The following COL4A4 variants were observed in gnomAD, a reference collection of about 807,000 sequenced individuals.
The protein encoded by COL4A4 is collagen type IV alpha 4 chain, also known as collagen alpha-4(IV) chain.
Under a neutral mutation model 192.9 loss-of-function variants are expected in COL4A4, and 105 were observed. The observed-to-expected ratio is 0.54, with a 90% confidence interval of 0.46 to 0.64. The LOEUF is 0.64. COL4A4 is among the 30% of genes least tolerant of loss of function. The pLI is 0.00. For synonymous variants in COL4A4, 762 were observed against 769.9 expected, an observed-to-expected ratio of 0.99 and a Z score of 0.17; for missense variants, 1,967 against 2,169.3, an observed-to-expected ratio of 0.91 and a Z score of 1.85.
the COL4A4 span, among the ~76,000 whole-genome samples, chr2:226,968,065 C>T: frequency 1.3e-5 from 2 of 152,170 alleles, no homozygotes; most frequent in Admixed American, 1.3e-4. Context: ...TCTTGCATAA[C>T]ATAATTTAAT....
chr2:227,073,348 T>C (rs2058829946), intron 25 of COL4A4, among the ~76,000 whole-genome samples: 1 of 151,856 alleles, frequency 6.6e-6, no homozygotes, highest in Non-Finnish European at 1.5e-5. Context: ...ACCAAGGAGG[T>C]GAAAGTTCTC....
chr2:227,041,848 G>GAAAGAAAGAAAGAAAGAGAAAGAA (rs1243663359), intron 37 of COL4A4, among the ~76,000 whole-genome samples: 1 of 38,736 alleles, frequency 2.6e-5, no homozygotes. Context: ...AAGAAAGAAA[G>GAAAGAAAGAAAGAAAGAGAAAGAA]AGAAAGAAAG....
chr2:227,017,112 C>T (rs1965051967), intron 44 of COL4A4, among the ~76,000 whole-genome samples: 1 of 152,156 alleles, frequency 6.6e-6, no homozygotes, highest in African/African-American at 2.4e-5. Flanking sequence ...GAAAGGGCTG[C>T]CTTAGTGCTT....
the COL4A4 span, among the ~76,000 whole-genome samples, chr2:226,970,693 A>G: frequency 1.1e-3 from 161 of 152,324 alleles, no homozygotes; most frequent in African/African-American, 3.7e-3. Context: ...AGCCTGTGAA[A>G]TATTTTCCAA....
intron 44 of COL4A4, 83 bp downstream of exon 44, chr2:227,021,965 A>G: frequency 6.6e-7 from 1 of 1,514,794 alleles, no homozygotes; most frequent in Non-Finnish European, 9.0e-7. Context: ...GGCTCCATAT[A>G]AAAAGCTACA....
intron 4 of COL4A4, among the ~76,000 whole-genome samples, chr2:227,132,495 G>A (rs978241330): frequency 1.3e-5 from 2 of 152,208 alleles, no homozygotes; most frequent in African/African-American, 2.4e-5. Context: ...TATGATAGAG[G>A]ACGAGTGCAG....
chr2:227,143,862 T>G (rs1291232710), intron 3 of COL4A4, among the ~76,000 whole-genome samples: 2 of 152,236 alleles, frequency 1.3e-5, no homozygotes, highest in East Asian at 3.8e-4. Context: ...CCTCATTCTT[T>G]GACCCAGGTG....
At chr2:226,978,114 A>T in the COL4A4 span, among the ~76,000 whole-genome samples, 1 of 152,314 alleles carries the variant, frequency 6.6e-6, no homozygotes, top group East Asian at 1.9e-4. Context: ...AAACAGGTCT[A>T]GGCCTTTTGC....
At chr2:227,146,553 C>A (rs2063562675) in intron 2 of COL4A4, among the ~76,000 whole-genome samples, 1 of 152,158 alleles carries the variant, frequency 6.6e-6, no homozygotes, top group Non-Finnish European at 1.5e-5. Context: ...TCACACGTTA[C>A]CACACACTCA....
chr2:227,057,605 A>G lies in COL4A4; in HGVS notation c.2384-5T>C, dbSNP rs3769641. ...ATCCAGGAATGCCAGCTGGCCCTGA[A>G]ATGATACAATACATCCATGACATTC... On this transcript the variant is annotated splice_region_variant and splice_polypyrimidine_tract_variant and intron_variant, in intron 28 of 47. Transcript: ENST00000396625. 138,541 of 1,613,482 alleles carry G rather than the reference A, an allele frequency of 0.086. 6,350 individuals are homozygous for G. Among genetic ancestry groups the G allele is most frequent in the East Asian group, 0.18 (7,910 of 44,854 alleles).
Position 227,080,263 on chromosome 2 carries a change from A to G in COL4A4, c.1803+180T>C, listed in dbSNP as rs192180531. Among the ~76,000 whole-genome samples the G allele has an allele frequency of 1.4e-4, 22 of 152,334 alleles. No individual in the cohort carries two copies. The East Asian group carries it at 3.5e-3, about 24-fold the overall frequency. ...CCAAGAGGATTTTAGACCATGTCCA[A>G]TGATGCTATACCTCTTAAAACAATC... On this transcript the variant is annotated intron_variant, in intron 24 of 47. Transcript: ENST00000396625.
At chr2:227,000,233 C>T (rs1019464939), downstream of COL4A4, among the ~76,000 whole-genome samples, 17 of 152,200 alleles carry the variant, frequency 1.1e-4, no homozygotes. Context: ...CCCACAGCAC[C>T]TGGAAGCTTC....
In COL4A4 at chr2:227,120,940, A is replaced by C. The variant is rs942439726; in HGVS notation, c.327+74T>G. 72 of 1,602,646 alleles carry C rather than the reference A, an allele frequency of 4.5e-5. No individual in the cohort carries two copies. In the African/African-American group the frequency reaches 8.4e-4, roughly 19 times the overall value. On this transcript the variant is annotated intron_variant, in intron 5 of 47. Coordinates refer to ENST00000396625, the MANE Select transcript of COL4A4 (RefSeq NM_000092.5). ...AGTGACAGAGTAAGACTGTCTAAAA[A>C]AAACAAAAACAAAAAATGGTGCAGT... is the stretch of plus-strand genomic sequence containing the variant.
intron 25 of COL4A4, among the ~76,000 whole-genome samples, 194 bp downstream of exon 25, chr2:227,077,699 GA>G (rs768453060): frequency 8.6e-4 from 121 of 140,420 alleles, no homozygotes; most frequent in Non-Finnish European, 8.8e-4. Flanking sequence ...TGAATACTGA[GA>G]AAAAAAAAAA....
chr2:227,030,736 AATG>A (rs1968110367), intron 40 of COL4A4, 138 bp from the exon 41 acceptor site: 1 of 634,558 alleles, frequency 1.6e-6, no homozygotes. Context: ...TAAGAAAGTC[AATG>A]ATAACAGAAA....
chr2:227,099,544 G>GT, intron 18 of COL4A4, 76 bp downstream of exon 18: 9 of 1,329,194 alleles, frequency 6.8e-6, no homozygotes, highest in Non-Finnish European at 9.8e-6. Flanking sequence ...GGAAATACTG[G>GT]GCCAGACTCT....
At chr2:227,163,013 T>G (rs1389098619) in intron 1 of COL4A4, among the ~76,000 whole-genome samples, 1 of 152,206 alleles carries the variant, frequency 6.6e-6, no homozygotes, top group Non-Finnish European at 1.5e-5. Flanking sequence ...AAGCAAGTGG[T>G]TCCCTAAAAT....
chr2:227,048,838 C>A (rs1424091965), intron 34 of COL4A4, among the ~76,000 whole-genome samples: 1 of 152,128 alleles, frequency 6.6e-6, no homozygotes, highest in Non-Finnish European at 1.5e-5. Context: ...TATAAAATAT[C>A]AAAATCAAAT....
At chr2:227,096,553 C>T (rs2060214256) in intron 19 of COL4A4, among the ~76,000 whole-genome samples, 1 of 152,172 alleles carries the variant, frequency 6.6e-6, no homozygotes, top group Non-Finnish European at 1.5e-5. Flanking sequence ...ATAAGGCACA[C>T]AAAGTTTAGG....
Sources: gnomAD v4.1 joint callset for allele counts (sites outside exome capture counted in the v4.1 genomes callset) on GRCh38, gnomAD v4.1.1 for gene constraint, MANE v1.5 for transcripts, NCBI Gene and HGNC (gene_info 2026-07-23, HGNC 2026-07-21) for gene names.